Variants in MACF1 observed in about 807,000 individuals in gnomAD.
MACF1 encodes microtubule-actin cross-linking factor 1.
MACF1 carries 193 observed loss-of-function variants against 854.8 expected under a neutral mutation model. The ratio of observed to expected loss-of-function variants is 0.23; its 90% CI spans 0.20 to 0.25. The LOEUF is 0.25. Ranked by LOEUF, MACF1 falls within the 10% of genes least tolerant of loss-of-function variation. MACF1 has a pLI of 1.00. For synonymous variants in MACF1, 3,185 were observed against 3,226.7 expected (o/e 0.99, Z 0.44); for missense variants, 7,722 against 8,929.1 (o/e 0.86, Z 5.45).
rs1359256259 is a variant in MACF1, at chr1:39,477,836, C to G, written c.21959-1962C>G. 9.2e-5 allele frequency among the ~76,000 whole-genome samples: 14 copies of G among 152,096 alleles called. No homozygotes were observed. The South Asian group carries it at 2.7e-3, about 29-fold the overall frequency. ...ACAGTCAGCTGCATTATTGCACATT[C>G]TGTGAACTGTGCAGTGCATAGGGAA... On this transcript the variant is annotated intron_variant, in intron 97 of 100. Coordinates refer to ENST00000564288, the MANE Select transcript of MACF1 (RefSeq NM_001394062.1).
At chr1:39,446,371 A>G (rs1360555567) in intron 80 of MACF1, among the ~76,000 whole-genome samples, 1 of 151,892 alleles carries the variant, frequency 6.6e-6, no homozygotes, top group Non-Finnish European at 1.5e-5. Flanking sequence ...AAGAATTCCT[A>G]TCATCTAGGA....
In MACF1 at chr1:39,282,320, T is replaced by A; in HGVS notation, c.641T>A (p.Phe214Tyr). 6.2e-7 allele frequency: 1 copy of A among 1,614,106 alleles called. No individual in the cohort carries two copies. The highest frequency in any genetic ancestry group is 8.5e-7 in the Non-Finnish European group (1 of 1,179,968). Reference sequence around the variant, plus strand: ...TACACAGGAATCAAATGCACCAACTTTTCCTCCTGCTGGAGTGATGGGAAG... The same window carrying A: ...TACACAGGAATCAAATGCACCAACTATTCCTCCTGCTGGAGTGATGGGAAG... ...AGYTGIKCTNFSSCWSDGKMF... is the reference protein window; with the variant it reads ...AGYTGIKCTNYSSCWSDGKMF... The change falls in exon 7 of 101, where the codon TTT becomes TAT. Residue 214 changes from phenylalanine to tyrosine, a missense_variant. Transcript: ENST00000564288.
intron 6 of MACF1, among the ~76,000 whole-genome samples, chr1:39,262,856 T>C (rs1453253820): frequency 1.3e-5 from 2 of 152,196 alleles, no homozygotes; most frequent in Non-Finnish European, 2.9e-5. Context: ...TTCCTTTTCT[T>C]TGCCGTTCTG....
chr1:39,344,447 A>T (rs1458578603), intron 40 of MACF1, among the ~76,000 whole-genome samples: 1 of 151,980 alleles, frequency 6.6e-6, no homozygotes, highest in East Asian at 1.9e-4. Context: ...AAAAAAAAAA[A>T]ATTCAGAGCA....
rs778880577 is a variant in MACF1 at position 39,331,896 on chromosome 1, C to T, written c.5308C>T (p.Leu1770Phe). Residue 1770 changes from leucine to phenylalanine, a missense_variant, in exon 37 of 101, where the codon CTT (leucine) becomes TTT (phenylalanine). Physicochemically the swap from Leu to Phe is conservative, Grantham distance 22. Around this residue, in one of 15 missense-constraint regions of MACF1, gnomAD observed 1,531 missense variants for 1,601.6 expected, o/e 0.96. Coordinates refer to ENST00000564288, the MANE Select transcript of MACF1 (RefSeq NM_001394062.1). ...QVTVRLLEAQ[L>F]FAGGIVDPRT... ...CACTGTCCGGTTGCTGGAAGCTCAG[C>T]TTTTTGCTGGTGGCATAGTAGATCC... is the stretch of plus-strand genomic sequence containing the variant. 8 of 1,614,012 alleles carry T rather than the reference C, an allele frequency of 5.0e-6. No homozygotes were observed. The African/African-American group carries it at 1.1e-4, about 22-fold the overall frequency.
chr1:39,420,483 A>C (rs978508596), intron 58 of MACF1, among the ~76,000 whole-genome samples: 5 of 152,368 alleles, frequency 3.3e-5, no homozygotes, highest in African/African-American at 9.6e-5. Flanking sequence ...TTTTAACTGA[A>C]CTGCTTTGTA....
chr1:39,296,838 GGAAGGA>G (rs1645927669), intron 20 of MACF1, among the ~76,000 whole-genome samples: 1 of 128,468 alleles, frequency 7.8e-6, no homozygotes, highest in African/African-American at 3.3e-5. Context: ...AAGGAAGGAA[GGAAGGA>G]AAAGAAAGAA....
chr1:39,455,054 C>A lies in MACF1; in HGVS notation c.21032C>A (p.Pro7011Gln). The change falls in exon 89 of 101, where the codon CCG becomes CAG. Residue 7011 changes from proline (P) to glutamine (Q), a missense_variant. Coordinates refer to ENST00000564288, the MANE Select transcript of MACF1 (RefSeq NM_001394062.1). Reference sequence around the variant, plus strand: ...ATTCAGCGGGATCAGGAGCCAATCCCGCAGAACATTGACCGAGTTAAAGCC... The same window carrying A: ...ATTCAGCGGGATCAGGAGCCAATCCAGCAGAACATTGACCGAGTTAAAGCC... ...TLIQRDQEPI[P>Q]QNIDRVKALI... 1 of 1,614,078 alleles carries A rather than the reference C, an allele frequency of 6.2e-7. No individual in the cohort carries two copies. The highest frequency in any genetic ancestry group is 8.5e-7 in the Non-Finnish European group (1 of 1,180,014).
At chr1:39,452,472 T>C in intron 86 of MACF1, 122 bp downstream of exon 86, 2 of 1,120,422 alleles carry the variant, frequency 1.8e-6, no homozygotes, top group Non-Finnish European at 2.5e-6. Flanking sequence ...AAAATTGATA[T>C]TCTGAATGTT....
chr1:39,180,001 C>T (rs1395299450), intron 2 of MACF1, among the ~76,000 whole-genome samples: 1 of 151,604 alleles, frequency 6.6e-6, no homozygotes, highest in Admixed American at 6.6e-5. Flanking sequence ...GGTGACAGAG[C>T]AAGACTCTGT....
chr1:39,442,874 A>G lies in MACF1; in HGVS notation c.19265A>G (p.Glu6422Gly). 1 of 1,614,126 alleles carries G rather than the reference A, an allele frequency of 6.2e-7. No individual in the cohort carries two copies. The highest frequency in any genetic ancestry group is 8.5e-7 in the Non-Finnish European group (1 of 1,180,006). Residue 6422 changes from glutamate to glycine, a missense_variant, in exon 78 of 101, where the codon GAG (glutamate) becomes GGG (glycine). Physicochemically the swap from Glu to Gly is moderately conservative, Grantham distance 98. Transcript: ENST00000564288. The part of the protein sequence containing the change: ...QCWESVLQKT[E>G]EREQQLQSTL... ...TGGGAGTCAGTGTTACAGAAAACAG[A>G]GGAGAGGGAGCAGCAGCTTCAGTCA...
At chr1:39,398,591 T>A (rs892866229) in intron 58 of MACF1, among the ~76,000 whole-genome samples, 1 of 152,212 alleles carries the variant, frequency 6.6e-6, no homozygotes, top group Non-Finnish European at 1.5e-5. Context: ...ATTTTTGCCA[T>A]CTTCAGATCC....
At chr1:39,412,158 G>T (rs778880071) in intron 58 of MACF1, 1 of 1,613,980 alleles carries the variant, frequency 6.2e-7, no homozygotes, top group Admixed American at 1.7e-5. Flanking sequence ...ATGGCAGTTT[G>T]TCCCAGGGAG....
At chr1:39,168,111 G>A (rs529235839) in intron 2 of MACF1, among the ~76,000 whole-genome samples, 4 of 152,244 alleles carry the variant, frequency 2.6e-5, no homozygotes, top group Non-Finnish European at 2.9e-5. Context: ...GTGATAAGAG[G>A]AGAGAAGAAG....
At chr1:39,449,459 C>T (rs889244370) in intron 84 of MACF1, among the ~76,000 whole-genome samples, 2 of 150,812 alleles carry the variant, frequency 1.3e-5, no homozygotes, top group African/African-American at 2.4e-5. Context: ...AGTGCAGTGG[C>T]GCGATCTCGG....
At chr1:39,274,049 A>G (rs1645384468) in intron 6 of MACF1, among the ~76,000 whole-genome samples, 1 of 152,192 alleles carries the variant, frequency 6.6e-6, no homozygotes, top group African/African-American at 2.4e-5. Flanking sequence ...ACTTTATCAT[A>G]ATAGGGGAAG....
Position 39,448,108 on chromosome 1 carries a change from T to C in MACF1, c.20044T>C (p.Ser6682Pro), listed in dbSNP as rs546376143. 8 of 1,614,060 alleles carry C rather than the reference T, an allele frequency of 5.0e-6. No homozygotes were observed. In the South Asian group the frequency reaches 8.8e-5, roughly 18 times the overall value. Residue 6682 changes from serine (S) to proline (P), a missense_variant, in exon 83 of 101, where the codon TCC becomes CCC. This residue lies in a region of MACF1 where 729 missense variants were observed against 900.5 expected (regional missense o/e 0.81). Transcript: ENST00000564288. ...TCACCTGGACTCAGAACTAGAGATATCCAATGACCCAGACAAAATTAAACT... is the reference window on the plus strand; with the variant it reads ...TCACCTGGACTCAGAACTAGAGATACCCAATGACCCAGACAAAATTAAACT... Reference protein sequence around the residue: ...ESHLDSELEISNDPDKIKLQL... With the variant: ...ESHLDSELEIPNDPDKIKLQL...
intron 36 of MACF1, among the ~76,000 whole-genome samples, chr1:39,329,352 T>G (rs1314161803): frequency 6.6e-6 from 1 of 152,218 alleles, no homozygotes; most frequent in Non-Finnish European, 1.5e-5. Context: ...AAATCCTCAG[T>G]GCGTGTTTCT....
chr1:39,216,406 TCTA>T (rs889622430), intron 1 of MACF1, among the ~76,000 whole-genome samples: 1 of 152,228 alleles, frequency 6.6e-6, no homozygotes, highest in African/African-American at 2.4e-5. Flanking sequence ...GGTTTGGTAA[TCTA>T]CTATCTTTTG....
Sources: allele counts gnomAD v4.1 joint callset (sites outside exome capture counted in the v4.1 genomes callset), GRCh38; gene constraint gnomAD v4.1.1; regional missense constraint gnomAD v4.1.1; transcripts MANE v1.5; gene names NCBI Gene and HGNC (gene_info 2026-07-23, HGNC 2026-07-21).